PSMC6: variants seen among roughly 807,000 people sequenced by gnomAD.
The protein encoded by PSMC6 is 26S proteasome regulatory subunit 10B.
In PSMC6, 3 loss-of-function variants were observed where a neutral mutation model predicts 55.9. That is an observed-to-expected ratio of 0.05 (90% CI 0.02 to 0.14). PSMC6 has a LOEUF of 0.14. PSMC6 is among the 10% of genes least tolerant of loss of function. The pLI, the probability that PSMC6 is intolerant of heterozygous loss-of-function variation, is 1.00. For missense variants in PSMC6, 210 were observed against 478.7 expected, an observed-to-expected ratio of 0.44 and a Z score of 5.24; for synonymous variants, 137 against 155.9, an observed-to-expected ratio of 0.88 and a Z score of 0.90.
At chr14:52,725,139 G>T (rs139985509) in intron 13 of PSMC6, among the ~76,000 whole-genome samples, 126 of 152,326 alleles carry the variant, frequency 8.3e-4, no homozygotes, top group Middle Eastern at 3.4e-3. Flanking sequence ...GAACAAGTTA[G>T]AGTAATTTAT....
intron 1 of PSMC6, 96 bp from the exon 2 acceptor site, chr14:52,708,213 T>C: frequency 9.6e-7 from 1 of 1,039,160 alleles, no homozygotes; most frequent in Non-Finnish European, 1.4e-6. Flanking sequence ...TTAGGTAAAG[T>C]GAAGTAGACT....
At chr14:52,721,051 C>T (rs748018393) in intron 11 of PSMC6, 59 bp from the exon 12 acceptor site, 10 of 1,584,472 alleles carry the variant, frequency 6.3e-6, no homozygotes, top group African/African-American at 2.7e-5. Flanking sequence ...CTTCACTTCA[C>T]CTTCCACTGT....
intron 1 of PSMC6, 145 bp downstream of exon 1, chr14:52,707,449 C>T: frequency 8.9e-7 from 1 of 1,129,890 alleles, no homozygotes; most frequent in Non-Finnish European, 1.2e-6. Flanking sequence ...GTCATCCGGC[C>T]CTGAGCTTGT....
chr14:52,719,142 A>G (rs2041862309), intron 10 of PSMC6, 104 bp downstream of exon 10: 1 of 1,019,442 alleles, frequency 9.8e-7, no homozygotes, highest in East Asian at 2.6e-5. Flanking sequence ...TTTTAAATGA[A>G]ATATGAAATT....
chr14:52,727,241 G>A (rs1880460135), intron 13 of PSMC6, among the ~76,000 whole-genome samples: 1 of 149,252 alleles, frequency 6.7e-6, no homozygotes, highest in South Asian at 2.1e-4. Flanking sequence ...GTGTTGGCCA[G>A]GATGGTCTTA....
At position 52,724,941 on chromosome 14, in the gene PSMC6, G is replaced by A. The variant is rs1197211625; in HGVS notation, c.1051+905G>A. 2.6e-5 allele frequency among the ~76,000 whole-genome samples: 4 copies of A among 152,180 alleles called. No homozygotes were observed. The East Asian group carries it at 7.7e-4, about 29-fold the overall frequency. ...CACAGTGTTTAAAGTGGCTGCTCAGGGAGGGCTTCTCAGTACAGGTATCTT... is the reference window on the plus strand; with the variant it reads ...CACAGTGTTTAAAGTGGCTGCTCAGAGAGGGCTTCTCAGTACAGGTATCTT... On this transcript the variant is annotated intron_variant, in intron 13 of 13. Coordinates refer to ENST00000445930, the MANE Select transcript of PSMC6 (RefSeq NM_002806.5).
At chr14:52,723,872 AAAGT>A in intron 12 of PSMC6, 89 bp from the exon 13 acceptor site, 1 of 1,539,476 alleles carries the variant, frequency 6.5e-7, no homozygotes, top group South Asian at 1.3e-5. Context: ...GATCAAACTC[AAAGT>A]AAGCTCTTCA....
chr14:52,708,865 A>C (rs1402302153), intron 4 of PSMC6, 49 bp downstream of exon 4: 1 of 1,601,960 alleles, frequency 6.2e-7, no homozygotes, highest in Admixed American at 1.8e-5. Context: ...AAGCAGTTTC[A>C]TGTAAGTTAT....
intron 6 of PSMC6, among the ~76,000 whole-genome samples, chr14:52,712,973 T>C (rs2041790818): frequency 6.6e-6 from 1 of 152,034 alleles, no homozygotes; most frequent in Non-Finnish European, 1.5e-5. Flanking sequence ...GGCTCACGCC[T>C]GTAATCCCAG....
Position 52,724,011 on chromosome 14 carries a change from T to C in PSMC6, c.1026T>C (p.Asp342=). ...TTTCGGATGGCTTTAATGGAGCAGATCTGAGAAATGTTTGTACTGAAGCAG... is the reference window on the plus strand; with the variant it reads ...TTTCGGATGGCTTTAATGGAGCAGACCTGAGAAATGTTTGTACTGAAGCAG... ...VKLSDGFNGA[D]LRNVCTEAGM... Residue 342 remains aspartate, a synonymous_variant, in exon 13 of 14, where the codon GAT becomes GAC. Coordinates refer to ENST00000445930, the MANE Select transcript of PSMC6 (RefSeq NM_002806.5). 1 of 1,613,916 alleles carries C rather than the reference T, an allele frequency of 6.2e-7. No homozygotes were observed. The highest frequency in any genetic ancestry group is 8.5e-7 in the Non-Finnish European group (1 of 1,179,844).
At chr14:52,719,616 G>A (rs1355644786) in intron 10 of PSMC6, among the ~76,000 whole-genome samples, 1 of 152,116 alleles carries the variant, frequency 6.6e-6, no homozygotes, top group Non-Finnish European at 1.5e-5. Flanking sequence ...CATGGGTAAT[G>A]CAGTGTCAAA....
intron 7 of PSMC6, 123 bp downstream of exon 7, chr14:52,714,091 A>G (rs978389737): frequency 1.5e-5 from 9 of 585,960 alleles, no homozygotes; most frequent in Middle Eastern, 9.7e-4. Flanking sequence ...CCCAGGCTGT[A>G]GTGCAGTGGC....
At chr14:52,726,861 C>G (rs544648955) in intron 13 of PSMC6, among the ~76,000 whole-genome samples, 8 of 151,966 alleles carry the variant, frequency 5.3e-5, no homozygotes, top group African/African-American at 1.7e-4. Flanking sequence ...AGGCTGGTCT[C>G]GAACTCCCGA....
intron 3 of PSMC6, 69 bp downstream of exon 3, chr14:52,708,591 A>C: frequency 6.4e-7 from 1 of 1,554,946 alleles, no homozygotes; most frequent in Non-Finnish European, 8.8e-7. Context: ...TGAAATGCTT[A>C]TTATTTTAAT....
At chr14:52,713,264 A>G (rs2041794840) in intron 6 of PSMC6, among the ~76,000 whole-genome samples, 1 of 152,200 alleles carries the variant, frequency 6.6e-6, no homozygotes, top group African/African-American at 2.4e-5. Flanking sequence ...TGGTACTATA[A>G]GTAATTTAAA....
chr14:52,713,395 A>G (rs994928211), intron 6 of PSMC6, among the ~76,000 whole-genome samples: 3 of 152,188 alleles, frequency 2.0e-5, no homozygotes, highest in African/African-American at 4.8e-5. Context: ...TAAAAATTGT[A>G]TATACCTTTT....
At position 52,727,761 on chromosome 14, in the gene PSMC6, T is replaced by A; in HGVS notation, c.*144T>A. ...GAGTAACATCATAAAAATTAGTAAT[T>A]CAACTTTTAAGATACAGAAGAAATT... On this transcript the variant is annotated 3_prime_UTR_variant, in exon 14 of 14. Transcript: ENST00000445930. 1.9e-6 allele frequency: 1 copy of A among 536,080 alleles called. No individual in the cohort carries two copies. Among genetic ancestry groups the A allele is most frequent in the Non-Finnish European group, 3.3e-6 (1 of 305,342 alleles). 33.2% of individuals were successfully genotyped at this position (536,080 alleles called of 1,614,324 possible).
rs547029935 is a variant in PSMC6, at chr14:52,720,794, T to C, written c.778-67T>C. ...AATACATTTCATGGCATTAGACATA[T>C]AAAAGGTGTGTGCTATTTTTTTTAA... is the stretch of plus-strand genomic sequence containing the variant. On this transcript the variant is annotated intron_variant, in intron 10 of 13. Transcript: ENST00000445930. 73 of 1,303,868 alleles carry C rather than the reference T, an allele frequency of 5.6e-5. No individual in the cohort carries two copies. The South Asian group carries it at 6.1e-4, about 11-fold the overall frequency. The allele number at this position is 1,303,868 out of a possible 1,614,324, so 80.8% of individuals were successfully genotyped here. A position where few individuals can be genotyped will look rare whatever the true frequency, so the allele number is the denominator to read the frequency against.
Position 52,711,411 on chromosome 14 carries a change from T to C in PSMC6, c.328T>C (p.Tyr110His). 1 of 1,593,426 alleles carries C rather than the reference T, an allele frequency of 6.3e-7. No homozygotes were observed. The highest frequency in any genetic ancestry group is 1.3e-5 in the African/African-American group (1 of 74,406). Residue 110 changes from tyrosine (Y) to histidine (H), a missense_variant and splice_region_variant, in exon 6 of 14, where the codon TAT becomes CAT. Tyr to His is a moderately conservative substitution (Grantham distance 83). Around this residue, in one of 4 missense-constraint regions of PSMC6, gnomAD observed 101 missense variants for 250.4 expected, o/e 0.40. Transcript: ENST00000445930. ...AAAATACATACCTTTTCATTCTAGA[T>C]ATTTGCCGAGAGAGGTGGATCCACT... ...LDMTTLTIMR[Y>H]LPREVDPLVY...
Sources: allele counts gnomAD v4.1 joint callset (sites outside exome capture counted in the v4.1 genomes callset), GRCh38; gene constraint gnomAD v4.1.1; regional missense constraint gnomAD v4.1.1; transcripts MANE v1.5; gene names NCBI Gene and HGNC (gene_info 2026-07-23, HGNC 2026-07-21).